Variants in CLVS1 observed in about 807,000 individuals in gnomAD.
CLVS1 encodes clavesin 1.
In CLVS1, 10 loss-of-function variants were observed where a neutral mutation model predicts 33.1. The ratio of observed to expected loss-of-function variants is 0.30; its 90% confidence interval spans 0.19 to 0.51. The LOEUF is 0.51. CLVS1 is among the 20% of genes least tolerant of loss of function. The pLI, the probability that CLVS1 is intolerant of heterozygous loss-of-function variation, is 0.97. For missense variants in CLVS1, 343 were observed against 433.4 expected, an observed-to-expected ratio of 0.79 and a Z score of 1.85; for synonymous variants, 163 against 166.1, an observed-to-expected ratio of 0.98 and a Z score of 0.14.
At chr8:61,178,745 C>A (rs543767757) in intron 2 of CLVS1, among the ~76,000 whole-genome samples, 1 of 152,252 alleles carries the variant, frequency 6.6e-6, no homozygotes, top group African/African-American at 2.4e-5. Flanking sequence ...TCCGGACAAA[C>A]TAAGCTTCAT....
At chr8:61,028,621 G>A in the CLVS1 span, among the ~76,000 whole-genome samples, 1 of 152,280 alleles carries the variant, frequency 6.6e-6, no homozygotes, top group Middle Eastern at 3.4e-3. Context: ...TATGGGAAGG[G>A]CCATGTTGGC....
intron 2 of CLVS1, among the ~76,000 whole-genome samples, chr8:61,337,320 G>T (rs544290991): frequency 6.6e-6 from 1 of 152,294 alleles, no homozygotes; most frequent in African/African-American, 2.4e-5. Flanking sequence ...CAAGGGCCTT[G>T]TTTTTGCCCT....
At chr8:60,980,290 G>A in the CLVS1 span, among the ~76,000 whole-genome samples, 2 of 152,104 alleles carry the variant, frequency 1.3e-5, no homozygotes, top group African/African-American at 4.8e-5. Flanking sequence ...TTATTTTAAT[G>A]GGCTTTGGCA....
At chr8:61,347,087 G>A (rs1446616695) in intron 2 of CLVS1, among the ~76,000 whole-genome samples, 1 of 152,156 alleles carries the variant, frequency 6.6e-6, no homozygotes, top group African/African-American at 2.4e-5. Flanking sequence ...ACAAGAGAGG[G>A]CTTTGGCAGC....
chr8:61,314,363 C>A (rs1326453245), intron 2 of CLVS1, among the ~76,000 whole-genome samples: 2 of 152,080 alleles, frequency 1.3e-5, no homozygotes, highest in Admixed American at 6.6e-5. Context: ...TACTGTAATG[C>A]CTCATTTACT....
chr8:61,273,427 G>C (rs866675753), intron 2 of CLVS1, among the ~76,000 whole-genome samples: 18 of 152,302 alleles, frequency 1.2e-4, no homozygotes, highest in Non-Finnish European at 2.2e-4. Flanking sequence ...GTCTGCAGAG[G>C]TTACTGCTGT....
chr8:61,158,599 C>T (rs1806693383), intron 2 of CLVS1, among the ~76,000 whole-genome samples: 1 of 151,954 alleles, frequency 6.6e-6, no homozygotes, highest in African/African-American at 2.4e-5. Flanking sequence ...GCCTGGGTTA[C>T]TAGGATAAAG....
At chr8:61,286,233 C>G (rs905787077), upstream of CLVS1, among the ~76,000 whole-genome samples, 2 of 152,068 alleles carry the variant, frequency 1.3e-5, no homozygotes, top group African/African-American at 2.4e-5. Context: ...TGTCATAGCC[C>G]ATGGCCAGAG....
intron 2 of CLVS1, among the ~76,000 whole-genome samples, chr8:61,344,137 A>T (rs1323801491): frequency 1.3e-5 from 2 of 152,130 alleles, no homozygotes; most frequent in East Asian, 3.8e-4. Context: ...TGGATTTGGC[A>T]CTATCATTTC....
At chr8:61,449,178 G>A (rs1470805102) in intron 3 of CLVS1, among the ~76,000 whole-genome samples, 1 of 152,214 alleles carries the variant, frequency 6.6e-6, no homozygotes, top group Non-Finnish European at 1.5e-5. Context: ...CTGGTGGGCA[G>A]GAGTGGGAGT....
At chr8:61,435,298 AT>A (rs553414284) in intron 3 of CLVS1, among the ~76,000 whole-genome samples, 2 of 151,272 alleles carry the variant, frequency 1.3e-5, no homozygotes, top group South Asian at 2.1e-4. Flanking sequence ...CTCAGGAGCT[AT>A]TTTTTTTTAC....
At chr8:61,485,154 G>A (rs1439157551) in intron 5 of CLVS1, among the ~76,000 whole-genome samples, 2 of 151,998 alleles carry the variant, frequency 1.3e-5, no homozygotes, top group Admixed American at 6.5e-5. Flanking sequence ...AGAGTGAACA[G>A]GCAACCCACA....
chr8:61,460,867 T>G (rs562778722), intron 5 of CLVS1, among the ~76,000 whole-genome samples: 2 of 152,228 alleles, frequency 1.3e-5, no homozygotes, highest in African/African-American at 2.4e-5. Flanking sequence ...AGGATTGCAC[T>G]GGTAAAACCG....
At chr8:61,355,165 G>A (rs1812640747) in intron 2 of CLVS1, among the ~76,000 whole-genome samples, 1 of 151,988 alleles carries the variant, frequency 6.6e-6, no homozygotes. Flanking sequence ...AACATCAATT[G>A]GTCAGAATTG....
At chr8:61,296,633 C>T (rs184728748) in intron 1 of CLVS1, among the ~76,000 whole-genome samples, 4 of 152,328 alleles carry the variant, frequency 2.6e-5, no homozygotes, top group Admixed American at 2.6e-4. Context: ...TGAGGAAGGA[C>T]ATTAATCAAT....
chr8:61,088,808 CT>C (rs557957060), intron 1 of CLVS1, among the ~76,000 whole-genome samples: 47 of 141,686 alleles, frequency 3.3e-4, no homozygotes, highest in East Asian at 8.1e-4. Flanking sequence ...TTTTCTTTTT[CT>C]TTTTTTTTTT....
At position 61,340,188 on chromosome 8, in the gene CLVS1, T is replaced by C. The variant is rs114933069; in HGVS notation, c.456-36417T>C. Among the ~76,000 whole-genome samples, 751 of 152,326 alleles carry C rather than the reference T, an allele frequency of 4.9e-3. 8 individuals are homozygous for C. Among genetic ancestry groups the C allele is most frequent in the African/African-American group, 0.018 (734 of 41,582 alleles). ...GTTAACATAAACATTACCTCGCACA[T>C]GTAGTTTTTATGGTGAGAACTCTTA... On this transcript the variant is annotated intron_variant, in intron 2 of 5. Transcript: ENST00000325897.
At chr8:61,407,736 C>T (rs1045235126) in intron 3 of CLVS1, among the ~76,000 whole-genome samples, 1 of 152,078 alleles carries the variant, frequency 6.6e-6, no homozygotes, top group African/African-American at 2.4e-5. Flanking sequence ...TTAAACAATA[C>T]TAAAAATATG....
At chr8:61,402,057 T>A (rs1157265222) in intron 3 of CLVS1, among the ~76,000 whole-genome samples, 1 of 152,134 alleles carries the variant, frequency 6.6e-6, no homozygotes. Flanking sequence ...TCACAAGGCC[T>A]GGAACCCACT....
Sources: gnomAD v4.1 joint callset for allele counts (sites outside exome capture counted in the v4.1 genomes callset) on GRCh38, gnomAD v4.1.1 for gene constraint, MANE v1.5 for transcripts, NCBI Gene and HGNC (gene_info 2026-07-23, HGNC 2026-07-21) for gene names.